The following NAALADL2 variants were observed in gnomAD, a reference collection of about 807,000 sequenced individuals.
NAALADL2 encodes the protein inactive N-acetylated-alpha-linked acidic dipeptidase-like protein 2.
NAALADL2 carries 76 observed loss-of-function variants against 87.2 expected under a neutral mutation model. That is an observed-to-expected ratio of 0.87 (90% confidence interval 0.72 to 1.05). NAALADL2 has a LOEUF of 1.05. Among genes scored for constraint, NAALADL2 ranks in the 50% least tolerant of loss-of-function variants. NAALADL2 has a pLI of 0.00. For missense variants in NAALADL2, 1,089 were observed against 945.8 expected (o/e 1.15, Z -1.99); for synonymous variants, 354 against 331.0 (o/e 1.07, Z -0.75).
intron 2 of NAALADL2, among the ~76,000 whole-genome samples, chr3:174,555,414 C>T (rs1213235453): frequency 1.3e-5 from 2 of 152,156 alleles, no homozygotes; most frequent in African/African-American, 2.4e-5. Flanking sequence ...ATTCTCCTGC[C>T]TCAGTCTCCC....
chr3:174,871,899 AAAATAAAT>A (rs3884085), intron 1 of NAALADL2, among the ~76,000 whole-genome samples: 2 of 151,638 alleles, frequency 1.3e-5, no homozygotes, highest in Non-Finnish European at 2.9e-5. Flanking sequence ...ACTCTGTTTC[AAAATAAAT>A]AAATAAATAA....
intron 1 of NAALADL2, chr3:174,863,706 G>A (rs1190123668): frequency 1.7e-5 from 3 of 176,576 alleles, no homozygotes; most frequent in African/African-American, 4.8e-5. Context: ...TTTCTGTGGT[G>A]GGAAAAATAT....
At chr3:175,210,276 A>G (rs942541996) in intron 2 of NAALADL2, among the ~76,000 whole-genome samples, 6 of 151,846 alleles carry the variant, frequency 4.0e-5, no homozygotes, top group African/African-American at 1.2e-4. Context: ...ATTATAAAGC[A>G]TATTGTTTTT....
chr3:174,950,444 A>G (rs1031924280), intron 1 of NAALADL2, among the ~76,000 whole-genome samples: 5 of 152,140 alleles, frequency 3.3e-5, no homozygotes, highest in African/African-American at 1.2e-4. Flanking sequence ...ACATACATAT[A>G]CATGATTCTA....
intron 2 of NAALADL2, among the ~76,000 whole-genome samples, chr3:174,581,547 G>T (rs1716169766): frequency 6.6e-6 from 1 of 152,128 alleles, no homozygotes; most frequent in Admixed American, 6.6e-5. Context: ...ATTGGGAAGG[G>T]AAGAGATCAG....
At chr3:174,492,365 A>C (rs12629568) in intron 1 of NAALADL2, among the ~76,000 whole-genome samples, 42,834 of 152,070 alleles carry the variant, frequency 0.28, 6,376 homozygotes, top group South Asian at 0.46. Flanking sequence ...TGAATTATAG[A>C]ATTCAATGAG....
At chr3:175,769,713 T>A (rs1289311990) in intron 13 of NAALADL2, among the ~76,000 whole-genome samples, 1 of 133,094 alleles carries the variant, frequency 7.5e-6, no homozygotes, top group Non-Finnish European at 1.5e-5. Context: ...AGATGGCATG[T>A]ATATGTGTGT....
chr3:175,696,002 A>T (rs574105314), intron 11 of NAALADL2, among the ~76,000 whole-genome samples: 1 of 152,146 alleles, frequency 6.6e-6, no homozygotes, highest in Non-Finnish European at 1.5e-5. Flanking sequence ...TGCTTTTGTT[A>T]TTCCTTGATC....
intron 3 of NAALADL2, among the ~76,000 whole-genome samples, chr3:175,251,992 CAT>C (rs1749147923): frequency 6.6e-6 from 1 of 152,154 alleles, no homozygotes; most frequent in South Asian, 2.1e-4. Flanking sequence ...GATTTATTAA[CAT>C]GTACTATTTA....
intron 13 of NAALADL2, among the ~76,000 whole-genome samples, chr3:175,784,350 G>GTAAAC (rs1334659258): frequency 1.3e-5 from 2 of 151,850 alleles, no homozygotes; most frequent in African/African-American, 2.4e-5. Context: ...TTTTTGGTTG[G>GTAAAC]TAAACTATTG....
chr3:175,473,595 A>G (rs1332219001), intron 9 of NAALADL2, among the ~76,000 whole-genome samples: 1 of 151,770 alleles, frequency 6.6e-6, no homozygotes, highest in Non-Finnish European at 1.5e-5. Context: ...CAAAAATTTA[A>G]TATCACATTT....
At chr3:175,005,114 A>G (rs1454846372) in intron 1 of NAALADL2, among the ~76,000 whole-genome samples, 6 of 152,200 alleles carry the variant, frequency 3.9e-5, no homozygotes, top group Non-Finnish European at 5.9e-5. Context: ...TGTTATTTCT[A>G]TGTTTTCACT....
At chr3:174,855,429 G>T (rs1725737147), upstream of NAALADL2, among the ~76,000 whole-genome samples, 1 of 151,890 alleles carries the variant, frequency 6.6e-6, no homozygotes, top group South Asian at 2.1e-4. Flanking sequence ...TCCTGGTTTT[G>T]ACTTTTATTT....
chr3:174,971,479 T>C (rs746692455), intron 1 of NAALADL2, among the ~76,000 whole-genome samples: 9 of 152,192 alleles, frequency 5.9e-5, no homozygotes, highest in Non-Finnish European at 1.3e-4. Flanking sequence ...CTACCTAAAT[T>C]AGGTACCCCT....
At chr3:175,598,329 G>T (rs1722510339) in intron 10 of NAALADL2, among the ~76,000 whole-genome samples, 1 of 150,274 alleles carries the variant, frequency 6.7e-6, no homozygotes, top group South Asian at 2.1e-4. Flanking sequence ...TCACAGTTGG[G>T]TCTAAAAAAA....
intron 11 of NAALADL2, among the ~76,000 whole-genome samples, chr3:175,733,616 G>GCC (rs1366625930): frequency 6.6e-6 from 1 of 152,028 alleles, no homozygotes; most frequent in Non-Finnish European, 1.5e-5. Flanking sequence ...AACCAAACAT[G>GCC]CCTTCCCAAC....
intron 2 of NAALADL2, among the ~76,000 whole-genome samples, chr3:174,663,907 C>A (rs1055864838): frequency 4.0e-5 from 6 of 151,876 alleles, no homozygotes; most frequent in Admixed American, 3.3e-4. Flanking sequence ...CCTGCCTCAG[C>A]CTCCCGAGTA....
intron 1 of NAALADL2, among the ~76,000 whole-genome samples, chr3:174,913,172 T>G (rs1347882983): frequency 1.3e-5 from 2 of 152,136 alleles, no homozygotes; most frequent in Non-Finnish European, 2.9e-5. Context: ...TTGGTAGAAC[T>G]TTCCCTATAA....
chr3:175,255,191 G>T (rs537371015), intron 3 of NAALADL2, among the ~76,000 whole-genome samples: 2 of 152,174 alleles, frequency 1.3e-5, no homozygotes, highest in Non-Finnish European at 2.9e-5. Flanking sequence ...TGAAATGAAC[G>T]TTAATGTATT....
Sources: allele counts gnomAD v4.1 joint callset (sites outside exome capture counted in the v4.1 genomes callset), GRCh38; gene constraint gnomAD v4.1.1; transcripts MANE v1.5; gene names NCBI Gene and HGNC (gene_info 2026-07-23, HGNC 2026-07-21).